C12orf43: variants seen among roughly 807,000 people sequenced by gnomAD.
C12orf43 encodes the protein chromosome 12 open reading frame 43, also known as protein CUSTOS.
Under a neutral mutation model 20.6 loss-of-function variants are expected in C12orf43, and 15 were observed. The ratio of observed to expected loss-of-function variants is 0.73; its 90% CI spans 0.49 to 1.12. The LOEUF is 1.12. Ranked by LOEUF, C12orf43 falls within the 50% of genes most tolerant of loss-of-function variation. The probability of loss-of-function intolerance (pLI) is 0.00; values close to 1 mark genes in which losing one functional copy is unlikely to be tolerated. For missense variants in C12orf43, 334 were observed against 344.4 expected (o/e 0.97, Z 0.24); for synonymous variants, 144 against 130.8 (o/e 1.10, Z -0.69).
rs201229780 is a variant in C12orf43 at position 121,003,025 on chromosome 12, C to CT, written c.*1127dup. ...ATGAGCTTCTACTTCTTTTCTTTTTCTTTTTCTTTTTTTTTTTTTGAGATA... is the reference window on the plus strand; with the variant it reads ...ATGAGCTTCTACTTCTTTTCTTTTTCTTTTTTCTTTTTTTTTTTTTGAGATA... On this transcript the variant is annotated 3_prime_UTR_variant, in exon 6 of 6. Coordinates refer to ENST00000288757, the MANE Select transcript of C12orf43 (RefSeq NM_022895.3). The CT allele has an allele frequency of 0.018, 2,160 of 120,242 alleles. 37 individuals are homozygous for CT. The highest frequency in any genetic ancestry group is 0.023 in the Non-Finnish European group (1,257 of 53,862). The allele number at this position is 120,242 out of a possible 1,614,324, so 7.4% of individuals were successfully genotyped here.
chr12:121,001,045 A>AGCCT lies in C12orf43; in HGVS notation c.*3104_*3107dup. 6.2e-7 allele frequency: 1 copy of AGCCT among 1,612,552 alleles called. No homozygotes were observed. Among genetic ancestry groups the AGCCT allele is most frequent in the Non-Finnish European group, 8.5e-7 (1 of 1,179,762 alleles). ...TGTGGGTGCCTGGTGGGTGGCTAGC[A>AGCCT]GCCTTGTTTGCCTCTGCAGTGTCCT... On this transcript the variant is annotated 3_prime_UTR_variant, in exon 6 of 6. Transcript: ENST00000288757.
chr12:121,004,122 A>G lies in C12orf43; in HGVS notation c.*31T>C, dbSNP rs1301021332. ...GGTGGGGGGGACACCTTGTCCTTGG[A>G]GCTGGCTGAGCCCTGTGCCCATGGC... On this transcript the variant is annotated 3_prime_UTR_variant, in exon 6 of 6. Transcript: ENST00000288757. The surrounding 1 kb of genome is among the most constrained non-coding windows in gnomAD (Gnocchi z 5.6). 1 of 1,608,312 alleles carries G rather than the reference A, an allele frequency of 6.2e-7. No individual in the cohort carries two copies. The highest frequency in any genetic ancestry group is 2.2e-5 in the East Asian group (1 of 44,854).
At chr12:121,006,513 C>T in intron 3 of C12orf43, 119 bp from the exon 4 acceptor site, 1 of 948,882 alleles carries the variant, frequency 1.1e-6, no homozygotes, top group Non-Finnish European at 1.7e-6. Context: ...CGAAAGCGTG[C>T]TGGCCTAGTA....
At chr12:121,014,227 G>C (rs1868660792) in intron 1 of C12orf43, among the ~76,000 whole-genome samples, 1 of 152,024 alleles carries the variant, frequency 6.6e-6, no homozygotes, top group Admixed American at 6.6e-5. Context: ...AGCTACTTAG[G>C]AGGCTGAGGC....
In C12orf43 at chr12:121,000,737, G is replaced by C; in HGVS notation, c.*3416C>G. 1 of 400,836 alleles carries C rather than the reference G, an allele frequency of 2.5e-6. No individual in the cohort carries two copies. The highest frequency in any genetic ancestry group is 4.8e-6 in the Non-Finnish European group (1 of 209,670). 24.8% of individuals were successfully genotyped at this position (400,836 alleles called of 1,614,324 possible). A position where few individuals can be genotyped will look rare whatever the true frequency, so the allele number is the denominator to read the frequency against. ...TTGTGGCATTAACCACATCTACAAA[G>C]CACCTGCATTCACAGCAGCGCCTAG... On this transcript the variant is annotated 3_prime_UTR_variant, in exon 6 of 6. Transcript: ENST00000288757.
intron 3 of C12orf43, chr12:121,007,180 T>A (rs963637123): frequency 1.3e-5 from 2 of 152,172 alleles, no homozygotes; most frequent in African/African-American, 4.8e-5. Context: ...TAAATTTTTT[T>A]TTTTAATTAA....
chr12:121,006,012 T>G, intron 4 of C12orf43: 1 of 248,092 alleles, frequency 4.0e-6, no homozygotes, highest in Non-Finnish European at 7.8e-6. Context: ...AGGCCAGGAG[T>G]TCAAGACCAG....
rs58575842 is a variant in C12orf43, at chr12:121,002,614, C to T, written c.*1539G>A. On this transcript the variant is annotated 3_prime_UTR_variant, in exon 6 of 6. Coordinates refer to ENST00000288757, the MANE Select transcript of C12orf43 (RefSeq NM_022895.3). ...AAGAGGAGACAGGCTCCAGCACCCA[C>T]GCTCTCACACCCCACATCTCTGCTT... The T allele has an allele frequency of 1.3e-4, 50 of 371,094 alleles. No homozygotes were observed. The East Asian group carries it at 2.9e-3, about 21-fold the overall frequency. 23.0% of individuals were successfully genotyped at this position (371,094 alleles called of 1,614,324 possible). A position where few individuals can be genotyped will look rare whatever the true frequency, so the allele number is the denominator to read the frequency against.
chr12:121,006,798 A>G (rs112456608), intron 3 of C12orf43: 7,325 of 169,316 alleles, frequency 0.043, 202 homozygotes, highest in South Asian at 0.1. Flanking sequence ...TTAGCCGGGC[A>G]TGGTGGCGGG....
chr12:121,010,210 T>G (rs1175669831), intron 3 of C12orf43, among the ~76,000 whole-genome samples: 5 of 152,134 alleles, frequency 3.3e-5, no homozygotes, highest in Non-Finnish European at 7.4e-5. Context: ...GGCTGAGGCA[T>G]GAGAATCGCT....
chr12:121,012,911 AG>A (rs571309615), intron 1 of C12orf43, among the ~76,000 whole-genome samples: 154 of 151,120 alleles, frequency 1.0e-3, no homozygotes, highest in African/African-American at 3.5e-3. Flanking sequence ...GACTGACTAC[AG>A]GGCGTGAGAA....
intron 1 of C12orf43, among the ~76,000 whole-genome samples, chr12:121,011,704 C>A (rs916533259): frequency 1.1e-4 from 16 of 152,174 alleles, no homozygotes; most frequent in African/African-American, 3.9e-4. Flanking sequence ...TGAGCCCCCT[C>A]TTAACCACCA....
Position 121,004,531 on chromosome 12 carries a change from A to T in C12orf43, c.453-42T>A. ...GTACCCTGGGTTAGCTGGAGTCAGG[A>T]CACAGCCCCAGAGCTGCCTCTCGCT... On this transcript the variant is annotated intron_variant, in intron 5 of 5. Coordinates refer to ENST00000288757, the MANE Select transcript of C12orf43 (RefSeq NM_022895.3). This position sits in a 1 kb window ranked among gnomAD's most constrained non-coding sequence, Gnocchi z 5.6. The T allele has an allele frequency of 6.5e-7, 1 of 1,536,208 alleles. No individual in the cohort carries two copies. Among genetic ancestry groups the T allele is most frequent in the African/African-American group, 1.4e-5 (1 of 73,062 alleles).
At chr12:121,006,474 G>T in intron 3 of C12orf43, 80 bp from the exon 4 acceptor site, 1 of 1,347,368 alleles carries the variant, frequency 7.4e-7, no homozygotes, top group Non-Finnish European at 1.1e-6. Context: ...AAGTGGAGGG[G>T]ATGGGGTATG....
rs1877445147 is a variant in C12orf43 at position 121,001,120 on chromosome 12, C to G, written c.*3033G>C. 1.2e-6 allele frequency: 2 copies of G among 1,613,870 alleles called. No homozygotes were observed. Among genetic ancestry groups the G allele is most frequent in the African/African-American group, 2.7e-5 (2 of 74,938 alleles). On this transcript the variant is annotated 3_prime_UTR_variant, in exon 6 of 6. Coordinates refer to ENST00000288757, the MANE Select transcript of C12orf43 (RefSeq NM_022895.3). ...GCTCAGACTCCAGCAATGGCCAGAGCCACCTGCTGCCATCCAACCACAGCG... is the reference window on the plus strand; with the variant it reads ...GCTCAGACTCCAGCAATGGCCAGAGGCACCTGCTGCCATCCAACCACAGCG...
chr12:121,013,259 T>C (rs1868562013), intron 1 of C12orf43, among the ~76,000 whole-genome samples: 1 of 152,190 alleles, frequency 6.6e-6, no homozygotes, highest in African/African-American at 2.4e-5. Flanking sequence ...CATAATCACT[T>C]GGAAGAAGAG....
intron 4 of C12orf43, 72 bp downstream of exon 4, chr12:121,006,249 C>G (rs1400396036): frequency 1.7e-6 from 2 of 1,145,442 alleles, no homozygotes; most frequent in African/African-American, 3.1e-5. Context: ...TATACCAAAA[C>G]TGTTTCGCCC....
At position 121,001,081 on chromosome 12, in the gene C12orf43, G is replaced by C; in HGVS notation, c.*3072C>G. ...CCTCTGCAGTGTCCTCCAGCAGCCT[G>C]GTGCTGTACCAGAGCTCAGACTCCA... On this transcript the variant is annotated 3_prime_UTR_variant, in exon 6 of 6. Transcript: ENST00000288757. The C allele has an allele frequency of 1.2e-6, 2 of 1,613,592 alleles. No individual in the cohort carries two copies. Among genetic ancestry groups the C allele is most frequent in the Non-Finnish European group, 1.7e-6 (2 of 1,179,866 alleles).
At chr12:121,010,113 T>C (rs1002006913) in intron 3 of C12orf43, among the ~76,000 whole-genome samples, 1 of 152,076 alleles carries the variant, frequency 6.6e-6, no homozygotes, top group African/African-American at 2.4e-5. Flanking sequence ...ATCAGCCTGG[T>C]CAACACGGTG....
Sources: allele counts gnomAD v4.1 joint callset (sites outside exome capture counted in the v4.1 genomes callset), GRCh38; gene constraint gnomAD v4.1.1; non-coding constraint Gnocchi (gnomAD v3.1); transcripts MANE v1.5; gene names NCBI Gene and HGNC (gene_info 2026-07-23, HGNC 2026-07-21).